NTNG2: variants seen among roughly 807,000 people sequenced by gnomAD.
NTNG2 encodes netrin G2, also known as netrin-G2.
Under a neutral mutation model 47.6 loss-of-function variants are expected in NTNG2, and 15 were observed. The ratio of observed to expected loss-of-function variants is 0.32; its 90% CI spans 0.21 to 0.49. The LOEUF (loss-of-function observed/expected upper bound fraction) is 0.49, where lower values mean the gene tolerates loss of function less well. Ranked by LOEUF, NTNG2 falls within the 20% of genes least tolerant of loss-of-function variation. NTNG2 has a pLI of 0.99. For synonymous variants in NTNG2, 307 were observed against 324.6 expected (o/e 0.95, Z 0.58); for missense variants, 578 against 764.6 (o/e 0.76, Z 2.88).
intron 5 of NTNG2, chr9:132,233,166 G>C (rs1841360583): frequency 6.6e-6 from 1 of 152,276 alleles, no homozygotes; most frequent in South Asian, 2.1e-4. Flanking sequence ...CTTTGCTGCT[G>C]AGCCTGTGGT....
chr9:132,242,377 TTC>T lies in NTNG2; in HGVS notation c.*278_*279del, dbSNP rs916947514. On this transcript the variant is annotated 3_prime_UTR_variant, in exon 8 of 8. Coordinates refer to ENST00000393229, the MANE Select transcript of NTNG2 (RefSeq NM_032536.4). The surrounding 1 kb of genome is among the most constrained non-coding windows in gnomAD (Gnocchi z 5.9). Reference sequence around the variant, plus strand: ...CCGCCGCCCAGTTCCTTTTTTGTCTTTCTCTCTCTCTCTTTTTTTTTTTTTTT... The same window carrying T: ...CCGCCGCCCAGTTCCTTTTTTGTCTTTCTCTCTCTCTTTTTTTTTTTTTTT... 21 of 161,656 alleles carry T rather than the reference TTC, an allele frequency of 1.3e-4. No homozygotes were observed. Among genetic ancestry groups the T allele is most frequent in the South Asian group, 1.0e-3 (5 of 4,894 alleles). The allele number at this position is 161,656 out of a possible 1,614,324, so 10.0% of individuals were successfully genotyped here.
In NTNG2 at chr9:132,162,441, G is replaced by A. The variant is rs933166149; in HGVS notation, c.-484+202G>A. On this transcript the variant is annotated intron_variant, in intron 1 of 7. Transcript: ENST00000393229. This position sits in a 1 kb window ranked among gnomAD's most constrained non-coding sequence, Gnocchi z 4.6. ...AGCTGAGAACTGGAGTCGCCCCAGA[G>A]GGGTGTGTGAGGGTGCGTTCTTAGC... 1.3e-5 allele frequency among the ~76,000 whole-genome samples: 2 copies of A among 152,146 alleles called. No homozygotes were observed. The highest frequency in any genetic ancestry group is 6.5e-5 in the Admixed American group (1 of 15,286).
In NTNG2 at chr9:132,242,078, G is replaced by A; in HGVS notation, c.1560G>A (p.Leu520=). 2 of 1,193,126 alleles carry A rather than the reference G, an allele frequency of 1.7e-6. No individual in the cohort carries two copies. The highest frequency in any genetic ancestry group is 3.2e-5 in the African/African-American group (2 of 62,422). The allele number at this position is 1,193,126 out of a possible 1,614,324, so 73.9% of individuals were successfully genotyped here. A position where few individuals can be genotyped will look rare whatever the true frequency, so the allele number is the denominator to read the frequency against. The change falls in exon 8 of 8, where the codon CTG becomes CTA. Residue 520 remains leucine, a synonymous_variant. Transcript: ENST00000393229. The surrounding 1 kb of genome is among the most constrained non-coding windows in gnomAD (Gnocchi z 5.9). The part of the protein sequence containing the change: ...PRPATLLGCL[L]LLGLAARLGR ...CCGCCACCCTGCTCGGCTGCCTGCT[G>A]CTGCTGGGGCTGGCCGCCCGCCTGG...
chr9:132,168,676 G>A (rs1835674862), intron 2 of NTNG2, among the ~76,000 whole-genome samples: 2 of 152,288 alleles, frequency 1.3e-5, no homozygotes, highest in Admixed American at 6.5e-5. Flanking sequence ...CTGGAAGCCA[G>A]GAGGAAGGCC....
intron 7 of NTNG2, chr9:132,241,385 A>G: frequency 2.7e-6 from 1 of 368,192 alleles, no homozygotes; most frequent in Non-Finnish European, 4.9e-6. Flanking sequence ...GATGCTGCTG[A>G]GGTCCGGGGC....
Position 132,191,216 on chromosome 9 carries a change from C to T in NTNG2, c.214-6750C>T, listed in dbSNP as rs560203215. 3.3e-5 allele frequency among the ~76,000 whole-genome samples: 5 copies of T among 152,262 alleles called. No homozygotes were observed. In the South Asian group the frequency reaches 8.3e-4, roughly 25 times the overall value. On this transcript the variant is annotated intron_variant, in intron 2 of 7. Transcript: ENST00000393229. The stretch of plus-strand genomic sequence containing the variant: ...CACACTCTTCTGAGTCAGCCGTTCC[C>T]GGGACAGTCCACGCCATGAAGTTCC...
chr9:132,169,474 G>A (rs1223219520), intron 2 of NTNG2, among the ~76,000 whole-genome samples: 8 of 152,184 alleles, frequency 5.3e-5, no homozygotes, highest in African/African-American at 2.4e-5. Context: ...GGGAGGGTCC[G>A]GGCAGTAGGA....
At chr9:132,219,639 C>T (rs961373737) in intron 3 of NTNG2, among the ~76,000 whole-genome samples, 16 of 151,844 alleles carry the variant, frequency 1.1e-4, no homozygotes, top group Non-Finnish European at 1.9e-4. Flanking sequence ...CATCACTGAC[C>T]GCTTTCACTT....
At position 132,197,284 on chromosome 9, in the gene NTNG2, G is replaced by C. The variant is rs1838384055; in HGVS notation, c.214-682G>C. ...CATGCCTGTAATCCCAGCTACTTGG[G>C]AGGCTGAGGCAGGAGAATCGCTGGA... On this transcript the variant is annotated intron_variant, in intron 2 of 7. Coordinates refer to ENST00000393229, the MANE Select transcript of NTNG2 (RefSeq NM_032536.4). The surrounding 1 kb of genome is among the most constrained non-coding windows in gnomAD (Gnocchi z 4.3). Among the ~76,000 whole-genome samples, 1 of 152,234 alleles carries C rather than the reference G, an allele frequency of 6.6e-6. No individual in the cohort carries two copies. Among genetic ancestry groups the C allele is most frequent in the Non-Finnish European group, 1.5e-5 (1 of 68,038 alleles).
chr9:132,223,643 C>T (rs1840514523), intron 3 of NTNG2, among the ~76,000 whole-genome samples: 1 of 152,186 alleles, frequency 6.6e-6, no homozygotes, highest in Non-Finnish European at 1.5e-5. Flanking sequence ...GCACTCCAGC[C>T]TGGGTGACAG....
chr9:132,202,492 C>T (rs1838844030), intron 3 of NTNG2, among the ~76,000 whole-genome samples: 1 of 152,208 alleles, frequency 6.6e-6, no homozygotes, highest in Non-Finnish European at 1.5e-5. Context: ...GCGGAGCCTG[C>T]TCCACGTGCC....
chr9:132,234,933 G>A (rs1330794132), intron 5 of NTNG2, among the ~76,000 whole-genome samples: 1 of 152,240 alleles, frequency 6.6e-6, no homozygotes, highest in African/African-American at 2.4e-5. Flanking sequence ...CCTTCAAGAA[G>A]CGGAAAACAG....
intron 2 of NTNG2, among the ~76,000 whole-genome samples, chr9:132,172,722 ATTT>A (rs35406789): frequency 2.4e-5 from 2 of 83,482 alleles, no homozygotes; most frequent in Non-Finnish European, 2.2e-5. Context: ...TCAGGGCTGT[ATTT>A]TTTTTTTTTT....
At chr9:132,202,507 C>T (rs1475543144) in intron 3 of NTNG2, among the ~76,000 whole-genome samples, 1 of 152,246 alleles carries the variant, frequency 6.6e-6, no homozygotes, top group East Asian at 1.9e-4. Context: ...CGTGCCCATT[C>T]CTGGAAGGCA....
intron 2 of NTNG2, among the ~76,000 whole-genome samples, chr9:132,167,339 C>T (rs559049745): frequency 1.6e-4 from 25 of 152,366 alleles, no homozygotes; most frequent in Middle Eastern, 3.4e-3. Flanking sequence ...TATTCAGCTC[C>T]GCAGCCTTCA....
rs973618753 is a variant in NTNG2 at position 132,162,643 on chromosome 9, C to T, written c.-484+404C>T. Among the ~76,000 whole-genome samples, 2 of 143,972 alleles carry T rather than the reference C, an allele frequency of 1.4e-5. No homozygotes were observed. The highest frequency in any genetic ancestry group is 2.6e-5 in the African/African-American group (1 of 38,362). The allele number at this position is 143,972 out of a possible 152,430, so 94.5% of individuals were successfully genotyped here. ...CGGGGAGGGATGTTGCAAGGATGCT[C>T]GGATGTGTCTCGGAAAAGGAAACTA... On this transcript the variant is annotated intron_variant, in intron 1 of 7. Coordinates refer to ENST00000393229, the MANE Select transcript of NTNG2 (RefSeq NM_032536.4). This position sits in a 1 kb window ranked among gnomAD's most constrained non-coding sequence, Gnocchi z 4.6.
intron 1 of NTNG2, among the ~76,000 whole-genome samples, chr9:132,164,595 T>C (rs1341541135): frequency 6.6e-6 from 1 of 152,250 alleles, no homozygotes; most frequent in Non-Finnish European, 1.5e-5. Flanking sequence ...GGCGGCGCTA[T>C]TTTATTTTTA....
chr9:132,168,125 G>A (rs776600702), intron 2 of NTNG2, among the ~76,000 whole-genome samples: 9 of 152,228 alleles, frequency 5.9e-5, no homozygotes, highest in African/African-American at 1.9e-4. Context: ...CAGGGGTGAC[G>A]GGTAAAGGCA....
rs201951817 is a variant in NTNG2 at position 132,241,968 on chromosome 9, G to A, written c.1450G>A (p.Val484Met). The part of the protein sequence containing the change: ...RCACPRGYTG[V>M]RCEQPRCDPA... ...CGCCTGCCCGCGCGGCTACACCGGC[G>A]TGCGCTGCGAGCAGCCCCGCTGCGA... Residue 484 changes from valine (V) to methionine (M), a missense_variant, in exon 8 of 8, where the codon GTG becomes ATG. Physicochemically the swap from Val to Met is conservative, Grantham distance 21. Coordinates refer to ENST00000393229, the MANE Select transcript of NTNG2 (RefSeq NM_032536.4). 1,267 of 1,537,722 alleles carry A rather than the reference G, an allele frequency of 8.2e-4. 12 individuals carry two copies. The African/African-American group carries it at 0.016, about 19-fold the overall frequency.
Sources: allele counts gnomAD v4.1 joint callset (sites outside exome capture counted in the v4.1 genomes callset), GRCh38; gene constraint gnomAD v4.1.1; non-coding constraint Gnocchi (gnomAD v3.1); transcripts MANE v1.5; gene names NCBI Gene and HGNC (gene_info 2026-07-23, HGNC 2026-07-21).